The following DGLUCY variants were observed in gnomAD, a reference collection of about 807,000 sequenced individuals.
DGLUCY encodes D-glutamate cyclase, also known as D-glutamate cyclase, mitochondrial.
In DGLUCY, 58 loss-of-function variants were observed where a neutral mutation model predicts 58.5. That is an observed-to-expected ratio of 0.99 (90% CI 0.80 to 1.23). DGLUCY has a LOEUF of 1.23. Among genes scored for constraint, DGLUCY ranks in the 50% most tolerant of loss-of-function variants. DGLUCY has a pLI of 0.00. For missense variants in DGLUCY, 779 were observed against 784.7 expected (o/e 0.99, Z 0.09); for synonymous variants, 325 against 314.1 (o/e 1.03, Z -0.37).
At chr14:91,109,925 A>G (rs1338622244), upstream of DGLUCY, among the ~76,000 whole-genome samples, 1 of 152,202 alleles carries the variant, frequency 6.6e-6, no homozygotes, top group Non-Finnish European at 1.5e-5. Context: ...TCTTTGGGAA[A>G]AACATCTTGA....
chr14:91,110,550 C>G (rs958861126), upstream of DGLUCY, among the ~76,000 whole-genome samples: 1 of 151,622 alleles, frequency 6.6e-6, no homozygotes, highest in African/African-American at 2.4e-5. Flanking sequence ...CATGCCTCAG[C>G]CTCCCTGGTA....
At chr14:91,115,710 A>G (rs1218512664) in intron 1 of DGLUCY, among the ~76,000 whole-genome samples, 1 of 152,206 alleles carries the variant, frequency 6.6e-6, no homozygotes, top group Non-Finnish European at 1.5e-5. Context: ...ACACCTAGCC[A>G]GGAAGCATCT....
At chr14:91,163,546 G>A (rs1341833613) in intron 3 of DGLUCY, among the ~76,000 whole-genome samples, 2 of 152,198 alleles carry the variant, frequency 1.3e-5, no homozygotes, top group Non-Finnish European at 2.9e-5. Flanking sequence ...TTGAGCAGGA[G>A]CTGGTCCTGG....
Position 91,124,305 on chromosome 14 carries a change from G to A in DGLUCY, c.-82+10022G>A, listed in dbSNP as rs573588628. On this transcript the variant is annotated intron_variant, in intron 1 of 13. Transcript: ENST00000256324. ...CTCCTCACTAATTTGCTGTCAAGGA[G>A]CTGAGCAGATGGAAGCACCATCCTC... Among the ~76,000 whole-genome samples, 469 of 152,238 alleles carry A rather than the reference G, an allele frequency of 3.1e-3. 3 individuals carry two copies. Among genetic ancestry groups the A allele is most frequent in the African/African-American group, 0.011 (454 of 41,556 alleles).
chr14:91,129,925 G>C (rs1432574982), intron 1 of DGLUCY, among the ~76,000 whole-genome samples: 1 of 152,186 alleles, frequency 6.6e-6, no homozygotes, highest in Non-Finnish European at 1.5e-5. Context: ...GGGATTACAG[G>C]CATGAGCTAC....
upstream of DGLUCY, among the ~76,000 whole-genome samples, chr14:91,113,220 A>G (rs1478916431): frequency 6.6e-6 from 1 of 152,180 alleles, no homozygotes; most frequent in Non-Finnish European, 1.5e-5. Flanking sequence ...GAATCGCTCG[A>G]ACCTGGGAGG....
chr14:91,071,678 G>A (rs2043921742), intron 1 of DGLUCY, among the ~76,000 whole-genome samples: 1 of 151,640 alleles, frequency 6.6e-6, no homozygotes, highest in Non-Finnish European at 1.5e-5. Context: ...GACCAGCCTG[G>A]CCAATATGGT....
At chr14:91,071,277 C>T (rs1452028786) in intron 1 of DGLUCY, among the ~76,000 whole-genome samples, 1 of 140,902 alleles carries the variant, frequency 7.1e-6, no homozygotes, top group African/African-American at 2.7e-5. Flanking sequence ...GCAGAGGTTG[C>T]AGTAAGCTGA....
intron 1 of DGLUCY, among the ~76,000 whole-genome samples, chr14:91,153,922 T>C (rs1383015384): frequency 6.6e-6 from 1 of 152,176 alleles, no homozygotes; most frequent in Non-Finnish European, 1.5e-5. Flanking sequence ...TGTTTGTTTT[T>C]TGAGACAGGG....
chr14:91,091,462 C>T (rs771394281), intron 1 of DGLUCY, among the ~76,000 whole-genome samples: 57 of 152,052 alleles, frequency 3.7e-4, no homozygotes, highest in Non-Finnish European at 7.2e-4. Flanking sequence ...GCAGAGGTTG[C>T]AGTGAGCCTA....
intron 1 of DGLUCY, among the ~76,000 whole-genome samples, chr14:91,121,315 A>G (rs886074193): frequency 3.9e-5 from 6 of 152,050 alleles, no homozygotes; most frequent in Admixed American, 2.6e-4. Context: ...TCCACCTCCA[A>G]TCATGCTACC....
intron 1 of DGLUCY, among the ~76,000 whole-genome samples, chr14:91,135,096 T>A (rs1174719303): frequency 6.6e-6 from 1 of 151,840 alleles, no homozygotes; most frequent in Non-Finnish European, 1.5e-5. Flanking sequence ...GCTAATTTTT[T>A]AATTTTTTGT....
intron 1 of DGLUCY, among the ~76,000 whole-genome samples, chr14:91,124,046 A>C (rs760141836): frequency 2.0e-5 from 3 of 151,110 alleles, no homozygotes; most frequent in East Asian, 3.9e-4. Context: ...TCCTACCTCA[A>C]CTTCCTGAGT....
intron 1 of DGLUCY, among the ~76,000 whole-genome samples, chr14:91,081,828 C>T (rs2044132574): frequency 6.6e-6 from 1 of 152,032 alleles, no homozygotes. Flanking sequence ...GCAACCTCCA[C>T]CTCCCATGTT....
rs1049427293 is a variant in DGLUCY at position 91,156,958 on chromosome 14, T to A, written c.-81-681T>A. On this transcript the variant is annotated intron_variant, in intron 1 of 13. Transcript: ENST00000256324. Reference sequence around the variant, plus strand: ...ATAGTGGGAAGGTCCCTGTTATTTTTAAAATATACTGAGGATGTGATTCCT... The same window carrying A: ...ATAGTGGGAAGGTCCCTGTTATTTTAAAAATATACTGAGGATGTGATTCCT... Among the ~76,000 whole-genome samples, 6 of 152,214 alleles carry A rather than the reference T, an allele frequency of 3.9e-5. No individual in the cohort carries two copies. In the East Asian group the frequency reaches 9.6e-4, roughly 24 times the overall value.
At chr14:91,133,155 C>G (rs766655719) in intron 1 of DGLUCY, among the ~76,000 whole-genome samples, 1 of 151,876 alleles carries the variant, frequency 6.6e-6, no homozygotes, top group Admixed American at 6.6e-5. Flanking sequence ...ATTAGCCGGG[C>G]GTGGTAGCAG....
At chr14:91,086,855 G>A (rs2044230076) in intron 1 of DGLUCY, among the ~76,000 whole-genome samples, 2 of 152,162 alleles carry the variant, frequency 1.3e-5, no homozygotes, top group African/African-American at 4.8e-5. Flanking sequence ...CGAGGCTTAA[G>A]CCATTCTCCT....
Position 91,148,295 on chromosome 14 carries a change from C to G in DGLUCY, c.-81-9344C>G, listed in dbSNP as rs1020768635. Among the ~76,000 whole-genome samples the G allele has an allele frequency of 3.3e-5, 5 of 151,718 alleles. No homozygotes were observed. In the South Asian group the frequency reaches 1.0e-3, roughly 32 times the overall value. On this transcript the variant is annotated intron_variant, in intron 1 of 13. Coordinates refer to ENST00000256324, the MANE Select transcript of DGLUCY (RefSeq NM_001102368.3). ...TCTCGGCTCACTGCAACCTCCACCC[C>G]CAAGGCTCAAGCGATATTCCTACCT...
In DGLUCY at chr14:91,074,130, C is replaced by CACACACACACACAT. The variant is rs1385832424; in HGVS notation, c.-82+13439_-82+13440insTACACACACACACA. Among the ~76,000 whole-genome samples, 67 of 133,050 alleles carry CACACACACACACAT rather than the reference C, an allele frequency of 5.0e-4. 2 individuals carry two copies. The South Asian group carries it at 9.9e-3, about 20-fold the overall frequency. 87.3% of individuals were successfully genotyped at this position (133,050 alleles called of 152,430 possible). ...ATATATATATATATACACACACACA[C>CACACACACACACAT]ACACACACACACACACACACACACA... On this transcript the variant is annotated intron_variant, in intron 1 of 4. Coordinates refer to the DGLUCY transcript ENST00000521334.
Sources: allele counts gnomAD v4.1 joint callset (sites outside exome capture counted in the v4.1 genomes callset), GRCh38; gene constraint gnomAD v4.1.1; transcripts MANE v1.5; gene names NCBI Gene and HGNC (gene_info 2026-07-23, HGNC 2026-07-21).